The following CDH18 variants were observed in gnomAD, a reference collection of about 807,000 sequenced individuals.
CDH18 encodes the protein cadherin-18.
CDH18 carries 31 observed loss-of-function variants against 67.9 expected under a neutral mutation model. The ratio of observed to expected loss-of-function variants is 0.46; its 90% CI spans 0.34 to 0.62. CDH18 has a LOEUF of 0.62. CDH18 is among the 20% of genes least tolerant of loss of function. The probability of loss-of-function intolerance (pLI) is 0.01; values close to 1 mark genes in which losing one functional copy is unlikely to be tolerated. For missense variants in CDH18, 890 were observed against 975.5 expected, an observed-to-expected ratio of 0.91 and a Z score of 1.17; for synonymous variants, 362 against 347.2, an observed-to-expected ratio of 1.04 and a Z score of -0.48.
At chr5:19,755,198 A>G (rs886933529) in intron 3 of CDH18, among the ~76,000 whole-genome samples, 4 of 151,302 alleles carry the variant, frequency 2.6e-5, no homozygotes, top group Non-Finnish European at 5.9e-5. Context: ...AACAAAAAAA[A>G]TACAAAAAAT....
chr5:19,575,933 AG>A (rs1561383934), intron 7 of CDH18, among the ~76,000 whole-genome samples: 1 of 152,284 alleles, frequency 6.6e-6, no homozygotes, highest in East Asian at 1.9e-4. Context: ...ATGAAACTCT[AG>A]GTTTAATGTC....
At chr5:19,695,808 A>G (rs1242651293) in intron 5 of CDH18, among the ~76,000 whole-genome samples, 3 of 152,222 alleles carry the variant, frequency 2.0e-5, no homozygotes, top group African/African-American at 4.8e-5. Flanking sequence ...GTGTGTGAGG[A>G]GAGTGATTAA....
At chr5:20,566,511 CACCA>C (rs1758518646) in intron 1 of CDH18, among the ~76,000 whole-genome samples, 2 of 149,024 alleles carry the variant, frequency 1.3e-5, no homozygotes, top group Admixed American at 1.3e-4. Context: ...AGGTTCGCGC[CACCA>C]TGCCCAGCTA....
intron 6 of CDH18, among the ~76,000 whole-genome samples, chr5:19,598,003 C>T (rs977759449): frequency 1.3e-5 from 2 of 152,014 alleles, no homozygotes; most frequent in African/African-American, 4.8e-5. Flanking sequence ...AGTTATCTAA[C>T]CTTATATTTT....
At chr5:20,284,606 G>GA (rs1313892531) in intron 1 of CDH18, among the ~76,000 whole-genome samples, 1 of 151,904 alleles carries the variant, frequency 6.6e-6, no homozygotes, top group Non-Finnish European at 1.5e-5. Context: ...AACTTCTGCA[G>GA]AAAAAACTGC....
At chr5:19,637,922 C>T (rs1376371143) in intron 5 of CDH18, among the ~76,000 whole-genome samples, 1 of 152,186 alleles carries the variant, frequency 6.6e-6, no homozygotes, top group Non-Finnish European at 1.5e-5. Context: ...GTGTACCATG[C>T]TTTAATAAGT....
chr5:19,742,734 ACTCTCTCTCT>A (rs146611270), intron 4 of CDH18, among the ~76,000 whole-genome samples: 1 of 146,818 alleles, frequency 6.8e-6, no homozygotes, highest in South Asian at 2.1e-4. Flanking sequence ...AAGTGCATTT[ACTCTCTCTCT>A]CTCTCTCTCT....
intron 1 of CDH18, among the ~76,000 whole-genome samples, chr5:20,555,342 C>T (rs533927625): frequency 5.0e-4 from 66 of 133,004 alleles, no homozygotes; most frequent in African/African-American, 1.9e-3. Flanking sequence ...TTAAGTCACC[C>T]AATCTATGGT....
chr5:19,494,878 A>G (rs559266216), intron 11 of CDH18, among the ~76,000 whole-genome samples: 1 of 152,292 alleles, frequency 6.6e-6, no homozygotes, highest in Non-Finnish European at 1.5e-5. Context: ...CCCAGTTAAG[A>G]TTTGGAAAAG....
At chr5:20,279,614 G>T (rs1321826591) in intron 1 of CDH18, among the ~76,000 whole-genome samples, 1 of 141,936 alleles carries the variant, frequency 7.0e-6, no homozygotes, top group Non-Finnish European at 1.5e-5. Flanking sequence ...CAGGAGAACC[G>T]CTTGAACCTG....
intron 1 of CDH18, among the ~76,000 whole-genome samples, chr5:20,418,000 C>T (rs1747466663): frequency 1.3e-5 from 2 of 152,148 alleles, no homozygotes; most frequent in African/African-American, 2.4e-5. Flanking sequence ...TAGATTCACA[C>T]TACAGAAATG....
At chr5:19,930,300 G>A (rs1793539675) in intron 2 of CDH18, among the ~76,000 whole-genome samples, 1 of 151,978 alleles carries the variant, frequency 6.6e-6, no homozygotes, top group African/African-American at 2.4e-5. Flanking sequence ...CCTCTGGACT[G>A]TGTTAAAAAG....
intron 1 of CDH18, among the ~76,000 whole-genome samples, chr5:20,370,590 A>G (rs1267924104): frequency 6.6e-6 from 1 of 152,216 alleles, no homozygotes; most frequent in African/African-American, 2.4e-5. Flanking sequence ...TAGAGTATTG[A>G]AAAGACACAG....
chr5:20,204,611 A>G (rs1472462376), intron 2 of CDH18, among the ~76,000 whole-genome samples: 2 of 152,078 alleles, frequency 1.3e-5, no homozygotes, highest in Non-Finnish European at 2.9e-5. Context: ...TTCTAATATC[A>G]TAATTATAAT....
At chr5:20,573,376 A>G (rs1027321680) in intron 1 of CDH18, among the ~76,000 whole-genome samples, 3 of 151,918 alleles carry the variant, frequency 2.0e-5, no homozygotes, top group Admixed American at 6.6e-5. Context: ...ATATAAGCCA[A>G]TATAGCCCAT....
intron 2 of CDH18, among the ~76,000 whole-genome samples, chr5:19,969,080 T>A (rs1274576259): frequency 0.017 from 2,258 of 130,712 alleles, 81 homozygotes; most frequent in African/African-American, 0.077. Context: ...GCAGCCAAAA[T>A]ACACATGAAA....
intron 5 of CDH18, among the ~76,000 whole-genome samples, chr5:19,717,944 A>G (rs1431558936): frequency 6.6e-6 from 1 of 152,020 alleles, no homozygotes; most frequent in Non-Finnish European, 1.5e-5. Flanking sequence ...GTACACACTG[A>G]ACACAAATCA....
intron 4 of CDH18, among the ~76,000 whole-genome samples, chr5:19,732,244 C>T (rs1767698129): frequency 6.6e-6 from 1 of 151,946 alleles, no homozygotes; most frequent in South Asian, 2.1e-4. Context: ...TATTCAAGAC[C>T]AGCCTGGGCA....
chr5:20,201,386 G>A (rs1379184095), intron 2 of CDH18, among the ~76,000 whole-genome samples: 1 of 152,102 alleles, frequency 6.6e-6, no homozygotes, highest in Non-Finnish European at 1.5e-5. Context: ...TGGATGGTTA[G>A]GACTTTAAGG....
Sources: allele counts gnomAD v4.1 joint callset (sites outside exome capture counted in the v4.1 genomes callset), GRCh38; gene constraint gnomAD v4.1.1; transcripts MANE v1.5; gene names NCBI Gene and HGNC (gene_info 2026-07-23, HGNC 2026-07-21).